The following MEGF6 variants were observed in gnomAD, a reference collection of about 807,000 sequenced individuals.
MEGF6 encodes the protein multiple EGF like domains 6, also known as multiple epidermal growth factor-like domains protein 6.
MEGF6 carries 184 observed loss-of-function variants against 207.1 expected under a neutral mutation model. That is an observed-to-expected ratio of 0.89 (90% confidence interval 0.79 to 1.00). The LOEUF (loss-of-function observed/expected upper bound fraction) is 1.00, where lower values mean the gene tolerates loss of function less well. Ranked by LOEUF, MEGF6 falls within the 50% of genes least tolerant of loss-of-function variation. MEGF6 has a pLI of 0.00. For synonymous variants in MEGF6, 1,038 were observed against 910.0 expected (o/e 1.14, Z -2.53); for missense variants, 2,282 against 2,202.9 (o/e 1.04, Z -0.72).
At chr1:3,580,255 G>A (rs935502053) in intron 3 of MEGF6, among the ~76,000 whole-genome samples, 1 of 146,696 alleles carries the variant, frequency 6.8e-6, no homozygotes, top group African/African-American at 2.4e-5. Flanking sequence ...GGTGGGAGGA[G>A]GGAAGGTGGG....
At chr1:3,525,837 G>A (rs1033617703) in intron 4 of MEGF6, among the ~76,000 whole-genome samples, 14 of 152,366 alleles carry the variant, frequency 9.2e-5, no homozygotes, top group African/African-American at 3.4e-4. Context: ...GGGCTGCCCA[G>A]CCTCTCATGC....
intron 3 of MEGF6, among the ~76,000 whole-genome samples, chr1:3,589,562 C>T (rs1206529168): frequency 6.6e-6 from 1 of 152,186 alleles, no homozygotes; most frequent in Non-Finnish European, 1.5e-5. Flanking sequence ...AGCCCCTCTG[C>T]CCCTTCCTCC....
chr1:3,595,426 G>A lies in MEGF6; in HGVS notation c.288C>T (p.Tyr96=), dbSNP rs774363369. Residue 96 remains tyrosine (Y), a synonymous_variant, in exon 3 of 37, where the codon TAC becomes TAT. Transcript: ENST00000356575. The stretch of plus-strand genomic sequence containing the variant: ...GGGCCTCCGTGGTATACACCTGCCT[G>A]TAGCCCATGTAGTAGACGGTTCTAG... ...HERRTVYYMG[Y]RQVYTTEART... 2.2e-5 allele frequency: 36 copies of A among 1,612,644 alleles called. No homozygotes were observed. The Admixed American group carries it at 5.3e-4, about 24-fold the overall frequency.
intron 4 of MEGF6, among the ~76,000 whole-genome samples, chr1:3,529,661 G>A (rs1363779188): frequency 6.6e-6 from 1 of 152,202 alleles, no homozygotes; most frequent in Non-Finnish European, 1.5e-5. Flanking sequence ...GGCGAGACCT[G>A]CAGTGTCTAC....
chr1:3,489,777 C>T lies in MEGF6; in HGVS notation c.*751G>A, dbSNP rs980349992. The T allele has an allele frequency of 2.6e-5, 4 of 152,322 alleles. No homozygotes were observed. The highest frequency in any genetic ancestry group is 9.6e-5 in the African/African-American group (4 of 41,464). The allele number at this position is 152,322 out of a possible 1,614,324, so 9.4% of individuals were successfully genotyped here. A position where few individuals can be genotyped will look rare whatever the true frequency, so the allele number is the denominator to read the frequency against. ...CACTGGGAACTGAGATGAGTCCCAA[C>T]TTCTTCACTTGTGTGGCACCCCCAC... On this transcript the variant is annotated 3_prime_UTR_variant, in exon 37 of 37. Transcript: ENST00000356575.
At chr1:3,539,945 C>T (rs774761504) in intron 4 of MEGF6, among the ~76,000 whole-genome samples, 1 of 152,160 alleles carries the variant, frequency 6.6e-6, no homozygotes, top group African/African-American at 2.4e-5. Flanking sequence ...CCCCCGGGGT[C>T]GCACCTGTCC....
intron 32 of MEGF6, 112 bp from the exon 33 acceptor site, chr1:3,494,236 C>T (rs1232477273): frequency 2.0e-6 from 3 of 1,468,908 alleles, no homozygotes; most frequent in East Asian, 2.5e-5. Flanking sequence ...CCCCCTCCTG[C>T]CCGTCCTCGT....
In MEGF6 at chr1:3,587,812, C is replaced by A. The variant is rs528073670; in HGVS notation, c.376+7526G>T. On this transcript the variant is annotated intron_variant, in intron 3 of 36. Transcript: ENST00000356575. ...TTTCCTGAGAATGTGTTTGTCCTCC[C>A]TGGACAGCTCAGCATCCCCCAGGTA... Among the ~76,000 whole-genome samples, 17 of 143,868 alleles carry A rather than the reference C, an allele frequency of 1.2e-4. No individual in the cohort carries two copies. The South Asian group carries it at 3.8e-3, about 33-fold the overall frequency. 94.4% of individuals were successfully genotyped at this position (143,868 alleles called of 152,430 possible). A position where few individuals can be genotyped will look rare whatever the true frequency, so the allele number is the denominator to read the frequency against.
intron 4 of MEGF6, among the ~76,000 whole-genome samples, chr1:3,542,089 C>T (rs555606824): frequency 6.6e-6 from 1 of 152,038 alleles, no homozygotes; most frequent in African/African-American, 2.4e-5. Context: ...CCTCCCCCAA[C>T]CCCCGGCTGC....
intron 4 of MEGF6, among the ~76,000 whole-genome samples, chr1:3,536,380 G>C (rs1013959066): frequency 3.3e-5 from 5 of 152,340 alleles, no homozygotes; most frequent in African/African-American, 9.6e-5. Flanking sequence ...CGTCCGTCCA[G>C]GTCCCCACAA....
At position 3,505,270 on chromosome 1, in the gene MEGF6, G is replaced by A. The variant is rs1260204826; in HGVS notation, c.2126C>T (p.Ser709Phe). 6.2e-7 allele frequency: 1 copy of A among 1,612,558 alleles called. No homozygotes were observed. Among genetic ancestry groups the A allele is most frequent in the South Asian group, 1.1e-5 (1 of 91,086 alleles). ...CCGCTTCCCACACTCGCCGCTCACG[G>A]AGTCACAGGCCACGCCCACTGGGCA... ...CTCPVGVACD[S>F]VSGECGKRCP... is the part of the protein sequence containing the mutation. The change falls in exon 17 of 37, where the codon TCC becomes TTC. Residue 709 changes from serine (S) to phenylalanine (F), a missense_variant. Transcript: ENST00000356575.
At chr1:3,531,396 G>A (rs1231774543) in intron 4 of MEGF6, 3 of 1,155,672 alleles carry the variant, frequency 2.6e-6, no homozygotes, top group Non-Finnish European at 3.2e-6. Context: ...GCTCGGCGCC[G>A]CCCGGGAGCC....
chr1:3,543,704 C>T (rs377595552), intron 4 of MEGF6, among the ~76,000 whole-genome samples: 151 of 152,372 alleles, frequency 9.9e-4, no homozygotes, highest in Admixed American at 2.3e-3. Context: ...ATCCGGTCCA[C>T]GCCTCTGCCT....
chr1:3,489,647 G>T lies in MEGF6; in HGVS notation c.*881C>A, dbSNP rs1226514211. 1.3e-5 allele frequency among the ~76,000 whole-genome samples: 2 copies of T among 152,130 alleles called. No individual in the cohort carries two copies. Among genetic ancestry groups the T allele is most frequent in the Non-Finnish European group, 2.9e-5 (2 of 68,012 alleles). ...CCAAGGGAGTTCGGCCTCAGTCCAG[G>T]TTGCCCCTCCACACCAGCCCTCCTC... On this transcript the variant is annotated 3_prime_UTR_variant, in exon 37 of 37. Transcript: ENST00000356575.
chr1:3,510,933 A>G (rs1277840060), intron 9 of MEGF6, 31 bp from the exon 10 acceptor site: 17 of 1,582,526 alleles, frequency 1.1e-5, no homozygotes, highest in Non-Finnish European at 1.5e-5. Context: ...GCCCCCTGGT[A>G]CCAGGCACCT....
At chr1:3,526,109 A>G (rs1482496106) in intron 4 of MEGF6, among the ~76,000 whole-genome samples, 1 of 152,200 alleles carries the variant, frequency 6.6e-6, no homozygotes, top group African/African-American at 2.4e-5. Flanking sequence ...TGCCCAGAGA[A>G]CACGCCATGA....
intron 4 of MEGF6, among the ~76,000 whole-genome samples, chr1:3,563,177 C>T (rs1366350275): frequency 6.6e-6 from 1 of 152,226 alleles, no homozygotes; most frequent in Non-Finnish European, 1.5e-5. Context: ...ACACATCGCA[C>T]ATGCACCTTG....
rs375308088 is a variant in MEGF6, at chr1:3,565,545, C to T, written c.481+14280G>A. Reference sequence around the variant, plus strand: ...ATCGGTGCCTGGCTTGAGAGGAGGACGCTTCGTGCGGGGCTGCCTGGCCTG... The same window carrying T: ...ATCGGTGCCTGGCTTGAGAGGAGGATGCTTCGTGCGGGGCTGCCTGGCCTG... On this transcript the variant is annotated intron_variant, in intron 4 of 36. Coordinates refer to ENST00000356575, the MANE Select transcript of MEGF6 (RefSeq NM_001409.4). This position sits in a 1 kb window ranked among gnomAD's most constrained non-coding sequence, Gnocchi z 4.8. Among the ~76,000 whole-genome samples the T allele has an allele frequency of 3.3e-5, 5 of 152,162 alleles. No homozygotes were observed. Among genetic ancestry groups the T allele is most frequent in the African/African-American group, 9.7e-5 (4 of 41,432 alleles).
At chr1:3,537,384 G>A (rs1319892451) in intron 4 of MEGF6, among the ~76,000 whole-genome samples, 1 of 152,258 alleles carries the variant, frequency 6.6e-6, no homozygotes, top group East Asian at 1.9e-4. Context: ...CGGGAGCCAC[G>A]GCCCATAGTC....
Sources: allele counts gnomAD v4.1 joint callset (sites outside exome capture counted in the v4.1 genomes callset), GRCh38; gene constraint gnomAD v4.1.1; non-coding constraint Gnocchi (gnomAD v3.1); transcripts MANE v1.5; gene names NCBI Gene and HGNC (gene_info 2026-07-23, HGNC 2026-07-21).